TEAD1: variants seen among roughly 807,000 people sequenced by gnomAD.
The protein encoded by TEAD1 is transcriptional enhancer factor TEF-1.
Under a neutral mutation model 54.9 loss-of-function variants are expected in TEAD1, and 9 were observed. That is an observed-to-expected ratio of 0.16 (90% CI 0.10 to 0.29). The LOEUF (loss-of-function observed/expected upper bound fraction) is 0.29, where lower values mean the gene tolerates loss of function less well. Among genes scored for constraint, TEAD1 ranks in the 10% least tolerant of loss-of-function variants. The pLI, the probability that TEAD1 is intolerant of heterozygous loss-of-function variation, is 1.00. For missense variants in TEAD1, 387 were observed against 535.9 expected, an observed-to-expected ratio of 0.72 and a Z score of 2.74; for synonymous variants, 200 against 187.8, an observed-to-expected ratio of 1.07 and a Z score of -0.53.
intron 10 of TEAD1, among the ~76,000 whole-genome samples, chr11:12,905,353 A>G (rs1447083413): frequency 6.6e-6 from 1 of 152,192 alleles, no homozygotes; most frequent in African/African-American, 2.4e-5. Context: ...CAAATTTAGA[A>G]ACAGTTACTC....
chr11:12,885,969 C>T (rs1367065471), intron 9 of TEAD1, among the ~76,000 whole-genome samples: 1 of 152,110 alleles, frequency 6.6e-6, no homozygotes, highest in African/African-American at 2.4e-5. Flanking sequence ...GAGACAGACA[C>T]GAAACAGATG....
intron 3 of TEAD1, among the ~76,000 whole-genome samples, chr11:12,768,474 C>T (rs1198805657): frequency 6.6e-6 from 1 of 152,194 alleles, no homozygotes; most frequent in Non-Finnish European, 1.5e-5. Context: ...ATGCTCTTAA[C>T]AATGCTTTGA....
At chr11:12,777,510 A>G (rs1945454675) in intron 3 of TEAD1, among the ~76,000 whole-genome samples, 2 of 152,192 alleles carry the variant, frequency 1.3e-5, no homozygotes, top group African/African-American at 4.8e-5. Flanking sequence ...ATTGTTGTTT[A>G]TGACAGCTTT....
chr11:12,776,804 T>C (rs1373762777), intron 3 of TEAD1, among the ~76,000 whole-genome samples: 1 of 140,422 alleles, frequency 7.1e-6, no homozygotes, highest in Non-Finnish European at 1.6e-5. Flanking sequence ...TTATTATCAT[T>C]ATTATTATTT....
chr11:12,683,774 G>T (rs866206534), intron 2 of TEAD1, among the ~76,000 whole-genome samples: 1 of 152,162 alleles, frequency 6.6e-6, no homozygotes, highest in South Asian at 2.1e-4. Context: ...GGAGTAGGAG[G>T]GGGGAACTGA....
At chr11:12,879,358 T>C in intron 5 of TEAD1, 1 of 526,720 alleles carries the variant, frequency 1.9e-6, no homozygotes, top group Admixed American at 3.2e-5. Flanking sequence ...AGGGCCTTTA[T>C]TTTTTTTTCT....
At chr11:12,819,989 G>A (rs1308387431) in intron 3 of TEAD1, among the ~76,000 whole-genome samples, 1 of 151,284 alleles carries the variant, frequency 6.6e-6, no homozygotes, top group Non-Finnish European at 1.5e-5. Flanking sequence ...TGGGCTGGGT[G>A]GGCAGAGACT....
rs760483567 is a variant in TEAD1, at chr11:12,882,998, C to T, written c.575-3C>T. 6.8e-6 allele frequency: 11 copies of T among 1,614,038 alleles called. No individual in the cohort carries two copies. Among genetic ancestry groups the T allele is most frequent in the Non-Finnish European group, 7.6e-6 (9 of 1,180,038 alleles). Reference sequence around the variant, plus strand: ...GCATCAAAGGTGACGATTGCTCTTTCAGGGTTTGAGCCTGCATCGGCCCCA... The same window carrying T: ...GCATCAAAGGTGACGATTGCTCTTTTAGGGTTTGAGCCTGCATCGGCCCCA... On this transcript the variant is annotated splice_region_variant and splice_polypyrimidine_tract_variant and intron_variant, in intron 8 of 12. Transcript: ENST00000527636.
At chr11:12,803,877 A>C (rs1946115959) in intron 3 of TEAD1, among the ~76,000 whole-genome samples, 1 of 152,218 alleles carries the variant, frequency 6.6e-6, no homozygotes, top group Admixed American at 6.5e-5. Context: ...CTGTTGGTTT[A>C]TAGGACGCCA....
At chr11:12,795,567 A>C (rs907743164) in intron 3 of TEAD1, among the ~76,000 whole-genome samples, 3 of 152,154 alleles carry the variant, frequency 2.0e-5, no homozygotes, top group Non-Finnish European at 4.4e-5. Context: ...CTTTCTACTA[A>C]ACTTTGGTGT....
intron 10 of TEAD1, among the ~76,000 whole-genome samples, chr11:12,920,391 GTTTT>G (rs1465869423): frequency 5.9e-5 from 9 of 152,148 alleles, no homozygotes; most frequent in Admixed American, 2.6e-4. Context: ...AAGGTTGACA[GTTTT>G]TAAAAACAAT....
intron 2 of TEAD1, among the ~76,000 whole-genome samples, chr11:12,716,293 T>C (rs1266464552): frequency 6.6e-6 from 1 of 152,080 alleles, no homozygotes; most frequent in Non-Finnish European, 1.5e-5. Flanking sequence ...GGTAGGTGTC[T>C]GCGAGGGAGT....
At chr11:12,855,676 G>A (rs898207776) in intron 3 of TEAD1, among the ~76,000 whole-genome samples, 1 of 151,498 alleles carries the variant, frequency 6.6e-6, no homozygotes, top group African/African-American at 2.4e-5. Flanking sequence ...AAGCACAGTA[G>A]TTCACGCCTG....
intron 2 of TEAD1, among the ~76,000 whole-genome samples, chr11:12,736,577 T>C (rs925487147): frequency 6.6e-5 from 10 of 152,226 alleles, no homozygotes; most frequent in African/African-American, 2.4e-4. Context: ...TTTATTGTAT[T>C]CTAAGTTTCA....
intron 2 of TEAD1, among the ~76,000 whole-genome samples, chr11:12,723,883 A>C (rs947158636): frequency 6.6e-6 from 1 of 152,178 alleles, no homozygotes; most frequent in Admixed American, 6.5e-5. Flanking sequence ...AGGGAGCCCA[A>C]CTTGTTTTTC....
intron 7 of TEAD1, among the ~76,000 whole-genome samples, chr11:12,881,641 C>T (rs1378048527): frequency 5.3e-5 from 8 of 152,232 alleles, no homozygotes; most frequent in African/African-American, 9.6e-5. Context: ...GCAGATGCCA[C>T]AGCACAAGGA....
chr11:12,752,899 G>T (rs1944904780), intron 2 of TEAD1, among the ~76,000 whole-genome samples: 1 of 151,728 alleles, frequency 6.6e-6, no homozygotes, highest in South Asian at 2.1e-4. Context: ...AGAGTGCGGT[G>T]GCGTGATCAC....
intron 2 of TEAD1, among the ~76,000 whole-genome samples, chr11:12,720,291 TAATAC>T (rs1275999341): frequency 6.6e-6 from 1 of 152,148 alleles, no homozygotes; most frequent in African/African-American, 2.4e-5. Context: ...GGTCATGTGT[TAATAC>T]ATTAAGTGTT....
At chr11:12,722,477 A>G (rs1344283341) in intron 2 of TEAD1, among the ~76,000 whole-genome samples, 1 of 152,152 alleles carries the variant, frequency 6.6e-6, no homozygotes, top group Non-Finnish European at 1.5e-5. Flanking sequence ...TAGGTGGGTA[A>G]TGCTGAGAGA....
Sources: gnomAD v4.1 joint callset for allele counts (sites outside exome capture counted in the v4.1 genomes callset) on GRCh38, gnomAD v4.1.1 for gene constraint, MANE v1.5 for transcripts, NCBI Gene and HGNC (gene_info 2026-07-23, HGNC 2026-07-21) for gene names.